Variants in FAM222A observed in about 807,000 individuals in gnomAD.
The protein encoded by FAM222A is protein FAM222A.
FAM222A carries 7 observed loss-of-function variants against 25.8 expected under a neutral mutation model. The ratio of observed to expected loss-of-function variants is 0.27; its 90% CI spans 0.15 to 0.51. FAM222A has a LOEUF of 0.51. FAM222A is among the 20% of genes least tolerant of loss of function. FAM222A has a pLI of 0.97. For synonymous variants in FAM222A, 294 were observed against 298.8 expected, an observed-to-expected ratio of 0.98 and a Z score of 0.17; for missense variants, 573 against 640.5, an observed-to-expected ratio of 0.89 and a Z score of 1.14.
At chr12:109,755,378 TCTCGG>T (rs1888696003) in intron 2 of FAM222A, among the ~76,000 whole-genome samples, 1 of 132,964 alleles carries the variant, frequency 7.5e-6, no homozygotes, top group African/African-American at 2.8e-5. Context: ...AATGGCGCAA[TCTCGG>T]CTCACCGCAA....
chr12:109,764,611 CA>C (rs1888989634), intron 2 of FAM222A, among the ~76,000 whole-genome samples: 1 of 152,164 alleles, frequency 6.6e-6, no homozygotes, highest in Non-Finnish European at 1.5e-5. Flanking sequence ...TTAAGAGGAA[CA>C]AAAATACATA....
chr12:109,745,161 G>A (rs1225914532), intron 2 of FAM222A, among the ~76,000 whole-genome samples: 1 of 152,218 alleles, frequency 6.6e-6, no homozygotes, highest in Non-Finnish European at 1.5e-5. Flanking sequence ...GGTCCATGTC[G>A]TCAGCTTCCT....
chr12:109,723,007 G>GGT (rs1191518707), intron 1 of FAM222A, among the ~76,000 whole-genome samples: 2 of 151,060 alleles, frequency 1.3e-5, no homozygotes, highest in South Asian at 4.3e-4. Context: ...GCGGGTGGGG[G>GGT]GGGGAGGGGG....
chr12:109,735,598 C>G (rs1163695607), intron 1 of FAM222A: 2 of 152,138 alleles, frequency 1.3e-5, no homozygotes. Flanking sequence ...TACCTTTGCC[C>G]GTTGCACACA....
intron 2 of FAM222A, among the ~76,000 whole-genome samples, chr12:109,748,342 T>C (rs1010725483): frequency 3.8e-4 from 56 of 145,552 alleles, no homozygotes; most frequent in Non-Finnish European, 4.6e-4. Context: ...TTCTTTTTTT[T>C]TTTTTTTTTT....
At chr12:109,754,376 G>C (rs1262722859) in intron 2 of FAM222A, among the ~76,000 whole-genome samples, 1 of 146,952 alleles carries the variant, frequency 6.8e-6, no homozygotes, top group African/African-American at 2.5e-5. Flanking sequence ...TCTAAAAAAA[G>C]AAAAAAAAAA....
At chr12:109,716,664 G>A (rs899599668) in intron 1 of FAM222A, among the ~76,000 whole-genome samples, 3 of 152,222 alleles carry the variant, frequency 2.0e-5, no homozygotes, top group African/African-American at 7.2e-5. Flanking sequence ...AACAAACTCG[G>A]AGTGCGCGCC....
intron 1 of FAM222A, among the ~76,000 whole-genome samples, chr12:109,739,892 A>C (rs1337284601): frequency 6.6e-6 from 1 of 152,152 alleles, no homozygotes; most frequent in East Asian, 1.9e-4. Flanking sequence ...CACGAGGAGG[A>C]GGCGCATGGG....
At chr12:109,760,232 C>G (rs1888854238) in intron 2 of FAM222A, among the ~76,000 whole-genome samples, 1 of 152,084 alleles carries the variant, frequency 6.6e-6, no homozygotes, top group African/African-American at 2.4e-5. Flanking sequence ...CAGATGAGGC[C>G]CTTTGCATAG....
intron 2 of FAM222A, 35 bp from the exon 3 acceptor site, chr12:109,767,977 C>T (rs1418027967): frequency 3.8e-6 from 6 of 1,594,634 alleles, no homozygotes; most frequent in East Asian, 4.5e-5. Context: ...GGCATGGCCT[C>T]CTGATGGGCC....
chr12:109,753,739 G>A (rs369103440), intron 2 of FAM222A, among the ~76,000 whole-genome samples: 22 of 129,298 alleles, frequency 1.7e-4, no homozygotes, highest in African/African-American at 4.6e-4. Context: ...TCAGGACGCC[G>A]ACAGGCTGGA....
chr12:109,740,371 C>T lies in FAM222A; in HGVS notation c.-46-3730C>T, dbSNP rs368101321. On this transcript the variant is annotated intron_variant, in intron 1 of 2. Coordinates refer to ENST00000538780, the MANE Select transcript of FAM222A (RefSeq NM_032829.3). ...TGAGGCATGCGACGTTTTTCCCCTC[C>T]CTGCCCCCCCTTTTTTTATTAAAGT... Among the ~76,000 whole-genome samples, 89 of 152,324 alleles carry T rather than the reference C, an allele frequency of 5.8e-4. 1 individual carries two copies. Among genetic ancestry groups the T allele is most frequent in the African/African-American group, 2.0e-3 (83 of 41,570 alleles).
intron 2 of FAM222A, among the ~76,000 whole-genome samples, chr12:109,762,335 C>T (rs185152290): frequency 6.6e-6 from 1 of 152,328 alleles, no homozygotes; most frequent in African/African-American, 2.4e-5. Context: ...ACATGTTAGG[C>T]CTCAGCTTCG....
intron 2 of FAM222A, among the ~76,000 whole-genome samples, chr12:109,756,786 T>C (rs1348422545): frequency 1.3e-5 from 2 of 152,226 alleles, no homozygotes; most frequent in Admixed American, 6.5e-5. Flanking sequence ...ATATTCATAA[T>C]GGCTATATGG....
intron 1 of FAM222A, among the ~76,000 whole-genome samples, chr12:109,718,371 G>T (rs1366568237): frequency 6.8e-6 from 1 of 147,242 alleles, no homozygotes; most frequent in Non-Finnish European, 1.5e-5. Context: ...GGACTTGGCC[G>T]GGGGTCCCTC....
rs1227587535 is a variant in FAM222A, at chr12:109,768,014, G to A, written c.85G>A (p.Glu29Lys). The A allele has an allele frequency of 8.1e-6, 13 of 1,611,536 alleles. No homozygotes were observed. Among genetic ancestry groups the A allele is most frequent in the African/African-American group, 2.7e-5 (2 of 75,016 alleles). Residue 29 changes from glutamate (E) to lysine (K), a missense_variant and splice_region_variant, in exon 3 of 3, where the codon GAG becomes AAG. By Grantham distance (56) the Glu-to-Lys change is moderately conservative. Transcript: ENST00000538780. ...PSKSLELRKC[E>K]AVASAMHSSR... ...TCACACCTGCTTTCCTCCCACAGGC[G>A]AGGCGGTGGCCAGCGCCATGCATTC... is the stretch of plus-strand genomic sequence containing the variant.
At chr12:109,758,014 G>A (rs1039367707) in intron 2 of FAM222A, among the ~76,000 whole-genome samples, 2 of 152,190 alleles carry the variant, frequency 1.3e-5, no homozygotes, top group African/African-American at 2.4e-5. Flanking sequence ...ACATGGGAGC[G>A]TCAAGAAAGT....
rs371970207 is a variant in FAM222A at position 109,744,223 on chromosome 12, G to T, written c.77G>T (p.Arg26Leu). ...LACPSKSLEL[R>L]KCEAVASAMH... ...TGCCCGAGCAAGAGCCTGGAGCTGC[G>T]CAAGTGTGAGTAGGACGCCTCCCCA... The change falls in exon 2 of 3, where the codon CGC (arginine) becomes CTC (leucine). Residue 26 changes from arginine (R) to leucine (L), a missense_variant. Arg to Leu is a moderately radical substitution (Grantham distance 102). Around this residue, in one of 3 missense-constraint regions of FAM222A, gnomAD observed 112 missense variants for 154.6 expected, o/e 0.72. Transcript: ENST00000538780. 1.2e-6 allele frequency: 2 copies of T among 1,612,812 alleles called. No individual in the cohort carries two copies. Among genetic ancestry groups the T allele is most frequent in the Non-Finnish European group, 1.7e-6 (2 of 1,179,892 alleles).
intron 2 of FAM222A, among the ~76,000 whole-genome samples, chr12:109,748,795 C>A (rs1386555412): frequency 1.3e-5 from 2 of 151,966 alleles, no homozygotes; most frequent in Admixed American, 1.3e-4. Flanking sequence ...ATCCCCTTTC[C>A]CCAAAGATTC....
Sources: allele counts gnomAD v4.1 joint callset (sites outside exome capture counted in the v4.1 genomes callset), GRCh38; gene constraint gnomAD v4.1.1; regional missense constraint gnomAD v4.1.1; transcripts MANE v1.5; gene names NCBI Gene and HGNC (gene_info 2026-07-23, HGNC 2026-07-21).